Variants in TNPO3 observed in about 807,000 individuals in gnomAD.
TNPO3 encodes the protein transportin-3.
TNPO3 carries 65 observed loss-of-function variants against 122.8 expected under a neutral mutation model. The observed-to-expected ratio is 0.53, with a 90% CI of 0.43 to 0.65. The LOEUF is 0.65. TNPO3 is among the 30% of genes least tolerant of loss of function. The pLI is 0.00. For missense variants in TNPO3, 850 were observed against 1,136.7 expected (o/e 0.75, Z 3.63); for synonymous variants, 372 against 411.2 (o/e 0.90, Z 1.15).
Position 128,991,876 on chromosome 7 carries a change from C to T in TNPO3, c.1358+123G>A, listed in dbSNP as rs1408998584. ...CTCTAGAAGTCAGAAGACTAGACGG[C>T]ACAACAGAAGTAAGAAGTTCTGAAA... On this transcript the variant is annotated intron_variant, in intron 10 of 22. Coordinates refer to ENST00000265388, the MANE Select transcript of TNPO3 (RefSeq NM_012470.4). 9 of 526,806 alleles carry T rather than the reference C, an allele frequency of 1.7e-5. No individual in the cohort carries two copies. The Admixed American group carries it at 2.6e-4, about 15-fold the overall frequency. The allele number at this position is 526,806 out of a possible 1,614,324, so 32.6% of individuals were successfully genotyped here. A position where few individuals can be genotyped will look rare whatever the true frequency, so the allele number is the denominator to read the frequency against.
Position 128,986,930 on chromosome 7 carries a change from A to G in TNPO3, c.1499-10T>C. 1 of 1,598,402 alleles carries G rather than the reference A, an allele frequency of 6.3e-7. No homozygotes were observed. The highest frequency in any genetic ancestry group is 8.5e-7 in the Non-Finnish European group (1 of 1,174,100). ...TAGCCCAACACAGGGTCTAAGAAGA[A>G]AAGCCAAGCAGAGATTACATATCTG... On this transcript the variant is annotated splice_polypyrimidine_tract_variant and intron_variant, in intron 11 of 22. Coordinates refer to ENST00000265388, the MANE Select transcript of TNPO3 (RefSeq NM_012470.4).
At chr7:129,044,990 T>C (rs1807848227) in intron 1 of TNPO3, among the ~76,000 whole-genome samples, 1 of 152,208 alleles carries the variant, frequency 6.6e-6, no homozygotes, top group African/African-American at 2.4e-5. Context: ...ACGTGGTATA[T>C]ATACATACAA....
At chr7:129,026,869 T>C (rs1310344002) in intron 1 of TNPO3, among the ~76,000 whole-genome samples, 1 of 152,218 alleles carries the variant, frequency 6.6e-6, no homozygotes, top group Non-Finnish European at 1.5e-5. Flanking sequence ...CACAGCTCAC[T>C]GTGGCCTCAA....
At chr7:129,045,499 A>G (rs368894262) in intron 1 of TNPO3, among the ~76,000 whole-genome samples, 17 of 150,762 alleles carry the variant, frequency 1.1e-4, no homozygotes, top group African/African-American at 3.4e-4. Flanking sequence ...CTGTCTCAGA[A>G]AAAAAAAAAA....
intron 1 of TNPO3, among the ~76,000 whole-genome samples, chr7:129,045,795 C>T (rs1807966758): frequency 6.6e-6 from 1 of 152,124 alleles, no homozygotes; most frequent in Non-Finnish European, 1.5e-5. Context: ...ACTACCATGG[C>T]AACAGAAATA....
intron 4 of TNPO3, among the ~76,000 whole-genome samples, chr7:129,007,886 C>A (rs1190378583): frequency 6.6e-6 from 1 of 152,032 alleles, no homozygotes; most frequent in Admixed American, 6.5e-5. Flanking sequence ...TGTGGTGGCT[C>A]ACGGCTGTAA....
In TNPO3 at chr7:129,003,039, CAAAAA is replaced by C. The variant is rs56226072; in HGVS notation, c.697-1810_697-1806del. On this transcript the variant is annotated intron_variant, in intron 5 of 22. Transcript: ENST00000265388. Reference sequence around the variant, plus strand: ...CCGGCGACAGAGCGAGACTCCCTCTCAAAAAAAAAAAAAAAAAAAAAAAAATACAA... The same window carrying C: ...CCGGCGACAGAGCGAGACTCCCTCTCAAAAAAAAAAAAAAAAAAAATACAA... Among the ~76,000 whole-genome samples, 36 of 53,284 alleles carry C rather than the reference CAAAAA, an allele frequency of 6.8e-4. 1 individual carries two copies. The highest frequency in any genetic ancestry group is 6.3e-3 in the South Asian group (9 of 1,440). 35.0% of individuals were successfully genotyped at this position (53,284 alleles called of 152,430 possible). A position where few individuals can be genotyped will look rare whatever the true frequency, so the allele number is the denominator to read the frequency against.
intron 22 of TNPO3, among the ~76,000 whole-genome samples, chr7:128,956,559 C>T (rs1006142361): frequency 1.3e-5 from 2 of 152,166 alleles, no homozygotes; most frequent in African/African-American, 2.4e-5. Flanking sequence ...GACCCTCAAG[C>T]GAATGAGCAT....
In TNPO3 at chr7:129,055,024, A is replaced by G. The variant is rs1329526495; in HGVS notation, c.-254T>C. On this transcript the variant is annotated 5_prime_UTR_variant, in exon 1 of 23. Transcript: ENST00000265388. Reference sequence around the variant, plus strand: ...CTTGATTCTAGACTCTTGAGTCCACAGATTCTGGCGCTCCCGTCTTCAGTC... The same window carrying G: ...CTTGATTCTAGACTCTTGAGTCCACGGATTCTGGCGCTCCCGTCTTCAGTC... 3.2e-5 allele frequency: 15 copies of G among 465,168 alleles called. No individual in the cohort carries two copies. In the Admixed American group the frequency reaches 5.0e-4, roughly 16 times the overall value. 28.8% of individuals were successfully genotyped at this position (465,168 alleles called of 1,614,324 possible).
chr7:128,956,076 A>G (rs2128973173), intron 22 of TNPO3, among the ~76,000 whole-genome samples: 1 of 152,328 alleles, frequency 6.6e-6, no homozygotes, highest in East Asian at 1.9e-4. Flanking sequence ...AACCATGAAC[A>G]CCTACAGCTG....
intron 1 of TNPO3, among the ~76,000 whole-genome samples, chr7:129,045,839 T>C (rs1274728691): frequency 6.6e-6 from 1 of 152,138 alleles, no homozygotes; most frequent in Non-Finnish European, 1.5e-5. Flanking sequence ...ACTCCAATAC[T>C]TCAAAGACAT....
In TNPO3 at chr7:129,054,836, G is replaced by T; in HGVS notation, c.-66C>A. On this transcript the variant is annotated 5_prime_UTR_variant, in exon 1 of 23. Transcript: ENST00000265388. ...CTCCGGAGGATTCCTCGGTTGCTCCGCCTTCGCGCTTCCTCACTGTCTGGG... is the reference window on the plus strand; with the variant it reads ...CTCCGGAGGATTCCTCGGTTGCTCCTCCTTCGCGCTTCCTCACTGTCTGGG... The T allele has an allele frequency of 6.2e-7, 1 of 1,606,228 alleles. No individual in the cohort carries two copies. Among genetic ancestry groups the T allele is most frequent in the Non-Finnish European group, 8.5e-7 (1 of 1,176,116 alleles).
At position 129,016,993 on chromosome 7, in the gene TNPO3, G is replaced by T. The variant is rs773767362; in HGVS notation, c.385C>A (p.Leu129Met). The change falls in exon 3 of 23, where the codon CTG (leucine) becomes ATG (methionine). Residue 129 changes from leucine (L) to methionine (M), a missense_variant. Physicochemically the swap from Leu to Met is conservative, Grantham distance 15. Coordinates refer to ENST00000265388, the MANE Select transcript of TNPO3 (RefSeq NM_012470.4). Reference protein sequence around the residue: ...MPSWKGCVQTLVEKYSNDVTS... With the variant: ...MPSWKGCVQTMVEKYSNDVTS... ...ATACAAATTACTTACTTTTCCACCA[G>T]TGTTTGCACACATCCCTTCCAGGAA... 6.2e-7 allele frequency: 1 copy of T among 1,613,146 alleles called. No individual in the cohort carries two copies. The highest frequency in any genetic ancestry group is 8.5e-7 in the Non-Finnish European group (1 of 1,179,938).
intron 14 of TNPO3, 75 bp downstream of exon 14, chr7:128,982,173 C>T (rs1010145353): frequency 1.2e-5 from 15 of 1,290,916 alleles, no homozygotes; most frequent in African/African-American, 4.4e-5. Context: ...GGAAAAAATA[C>T]TTGCTTACTT....
At chr7:128,997,624 A>T in intron 7 of TNPO3, 89 bp from the exon 8 acceptor site, 1 of 1,151,666 alleles carries the variant, frequency 8.7e-7, no homozygotes, top group Non-Finnish European at 1.2e-6. Context: ...ATAGGAAGAA[A>T]GATATATTTT....
At chr7:128,999,103 G>A (rs185767254) in intron 7 of TNPO3, among the ~76,000 whole-genome samples, 57 of 152,146 alleles carry the variant, frequency 3.7e-4, no homozygotes, top group Middle Eastern at 3.4e-3. Context: ...TGCCCACCTC[G>A]GCCTCCCAAG....
rs1175203844 is a variant in TNPO3, at chr7:129,054,785, T to G, written c.-15A>C. 1 of 1,613,918 alleles carries G rather than the reference T, an allele frequency of 6.2e-7. No homozygotes were observed. Among genetic ancestry groups the G allele is most frequent in the African/African-American group, 1.3e-5 (1 of 74,926 alleles). ...GCTCCTTCCATGGTGGTGGCGGTAG[T>G]GGCGGTAGCGACGGCTCTGATTCTT... On this transcript the variant is annotated 5_prime_UTR_variant, in exon 1 of 23. Transcript: ENST00000265388.
intron 1 of TNPO3, among the ~76,000 whole-genome samples, chr7:129,031,258 C>T (rs1805909944): frequency 1.3e-5 from 2 of 151,764 alleles, no homozygotes; most frequent in Non-Finnish European, 2.9e-5. Context: ...GAGATCATGC[C>T]ACAAGCACTC....
intron 7 of TNPO3, among the ~76,000 whole-genome samples, 157 bp downstream of exon 7, chr7:129,000,272 A>C (rs1400110007): frequency 6.6e-6 from 1 of 152,244 alleles, no homozygotes; most frequent in Admixed American, 6.5e-5. Flanking sequence ...CCCAAATATA[A>C]TTTTTTTAAA....
Sources: allele counts gnomAD v4.1 joint callset (sites outside exome capture counted in the v4.1 genomes callset), GRCh38; gene constraint gnomAD v4.1.1; transcripts MANE v1.5; gene names NCBI Gene and HGNC (gene_info 2026-07-23, HGNC 2026-07-21).